STAT3: variants seen among roughly 807,000 people sequenced by gnomAD.
STAT3 encodes the protein DNA-binding protein APRF.
A neutral mutation model predicts 114.3 loss-of-function variants in STAT3; 7 were observed. The observed-to-expected ratio is 0.06, with a 90% CI of 0.03 to 0.11. The LOEUF (loss-of-function observed/expected upper bound fraction) is 0.11. Among genes scored for constraint, STAT3 ranks in the 10% least tolerant of loss-of-function variants. The pLI is 1.00. For synonymous variants in STAT3, 331 were observed against 354.5 expected, an observed-to-expected ratio of 0.93 and a Z score of 0.74; for missense variants, 364 against 960.9, an observed-to-expected ratio of 0.38 and a Z score of 8.21.
chr17:42,339,571 C>T (rs892051766), intron 4 of STAT3, among the ~76,000 whole-genome samples, 162 bp from the exon 5 acceptor site: 3 of 152,186 alleles, frequency 2.0e-5, no homozygotes, highest in Non-Finnish European at 4.4e-5. Flanking sequence ...TGTCACTACA[C>T]AGGTGACACT....
rs2293152 is a variant in STAT3 at position 42,329,511 on chromosome 17, G to C, written c.1233+43C>G. 0.61 allele frequency: 989,571 copies of C among 1,613,902 alleles called. 307,335 individuals carry two copies. The highest frequency in any genetic ancestry group is 0.85 in the African/African-American group (63,962 of 74,992). The stretch of plus-strand genomic sequence containing the variant: ...TGTGAGGCTCTCCCTAGCCCTCTCC[G>C]GCAGCCAGAGGCCCTTTGTGAAGGG... On this transcript the variant is annotated intron_variant, in intron 13 of 23. Transcript: ENST00000264657.
intron 1 of STAT3, among the ~76,000 whole-genome samples, chr17:42,367,039 G>T (rs1042390009): frequency 6.6e-6 from 1 of 152,130 alleles, no homozygotes; most frequent in Admixed American, 6.6e-5. Context: ...TACTCGGGAG[G>T]CTGAGGCAGG....
intron 21 of STAT3, among the ~76,000 whole-genome samples, chr17:42,319,288 T>C (rs1045813779): frequency 3.3e-5 from 5 of 151,780 alleles, no homozygotes; most frequent in Non-Finnish European, 7.4e-5. Context: ...ACACCTATAA[T>C]CCCAGCACTT....
At chr17:42,377,283 C>A (rs1415305476) in intron 1 of STAT3, among the ~76,000 whole-genome samples, 1 of 151,932 alleles carries the variant, frequency 6.6e-6, no homozygotes, top group African/African-American at 2.4e-5. Flanking sequence ...GCTCTGTGGC[C>A]CAGGCTGGAG....
chr17:42,322,185 C>G, intron 21 of STAT3, 97 bp downstream of exon 21: 1 of 1,134,054 alleles, frequency 8.8e-7, no homozygotes, highest in South Asian at 1.3e-5. Flanking sequence ...AATTATCCCC[C>G]AGGTTATTCA....
intron 8 of STAT3, among the ~76,000 whole-genome samples, chr17:42,335,464 T>C (rs1408613234): frequency 6.6e-6 from 1 of 152,160 alleles, no homozygotes; most frequent in Non-Finnish European, 1.5e-5. Context: ...AGCATTGGGA[T>C]TTACAGGCGT....
chr17:42,351,758 A>C (rs1024575724), intron 1 of STAT3, among the ~76,000 whole-genome samples: 4 of 151,872 alleles, frequency 2.6e-5, no homozygotes, highest in African/African-American at 9.7e-5. Flanking sequence ...TAAATATTCC[A>C]ACAATGTTAT....
intron 1 of STAT3, among the ~76,000 whole-genome samples, chr17:42,370,515 C>G (rs191653148): frequency 1.3e-5 from 2 of 151,442 alleles, no homozygotes; most frequent in East Asian, 3.9e-4. Context: ...CTGCCCGCCT[C>G]GGCCTCCCAA....
rs2085216344 is a variant in STAT3, at chr17:42,388,162, TC to T, written c.-24+116del. 6 of 1,159,118 alleles carry T rather than the reference TC, an allele frequency of 5.2e-6. No homozygotes were observed. In the South Asian group the frequency reaches 1.8e-4, roughly 34 times the overall value. 71.8% of individuals were successfully genotyped at this position (1,159,118 alleles called of 1,614,324 possible). On this transcript the variant is annotated intron_variant, in intron 1 of 23. Coordinates refer to ENST00000264657, the MANE Select transcript of STAT3 (RefSeq NM_139276.3). ...GCGACCCTCCGCGTCTCTTCATCTC[TC>T]CCGGCCCCACTGCAGCGTCCATCAC...
intron 1 of STAT3, among the ~76,000 whole-genome samples, chr17:42,351,808 G>C (rs980630567): frequency 6.6e-6 from 1 of 152,050 alleles, no homozygotes; most frequent in Non-Finnish European, 1.5e-5. Context: ...GCCTAGGCTG[G>C]AGTGCAGTGG....
At chr17:42,316,554 G>A in intron 23 of STAT3, 2 of 1,151,178 alleles carry the variant, frequency 1.7e-6, no homozygotes, top group South Asian at 1.3e-5. Flanking sequence ...AGAGTATGTT[G>A]GATTTAGTGG....
intron 3 of STAT3, 47 bp downstream of exon 3, chr17:42,346,522 C>G: frequency 1.2e-6 from 2 of 1,613,382 alleles, no homozygotes; most frequent in Non-Finnish European, 1.7e-6. Context: ...CACTAACACC[C>G]GACTCTGCGG....
Position 42,380,726 on chromosome 17 carries a change from G to A in STAT3, c.-24+7553C>T, listed in dbSNP as rs978289628. On this transcript the variant is annotated intron_variant, in intron 1 of 23. Coordinates refer to ENST00000264657, the MANE Select transcript of STAT3 (RefSeq NM_139276.3). ...TTTTAATAAGAGTAATTCAGCCTAG[G>A]CAACGTGACGAGATCCTGACTCAAA... Among the ~76,000 whole-genome samples, 24 of 152,222 alleles carry A rather than the reference G, an allele frequency of 1.6e-4. 1 individual carries two copies. The highest frequency in any genetic ancestry group is 1.2e-3 in the Admixed American group (19 of 15,284).
intron 3 of STAT3, 24 bp from the exon 4 acceptor site, chr17:42,345,681 TA>T (rs2082665207): frequency 6.4e-7 from 1 of 1,574,042 alleles, no homozygotes; most frequent in African/African-American, 1.4e-5. Context: ...AGAAAGAGAA[TA>T]AAAATCAGCA....
chr17:42,382,034 T>C (rs1412244617), intron 1 of STAT3, among the ~76,000 whole-genome samples: 2 of 152,228 alleles, frequency 1.3e-5, no homozygotes, highest in African/African-American at 2.4e-5. Flanking sequence ...CTTCTACTTA[T>C]AGCTCCCTGA....
intron 1 of STAT3, among the ~76,000 whole-genome samples, chr17:42,362,117 C>A (rs1234936661): frequency 1.3e-5 from 2 of 152,122 alleles, no homozygotes; most frequent in Non-Finnish European, 2.9e-5. Flanking sequence ...GGCAGGAGTG[C>A]CAACATTGAG....
At chr17:42,365,884 G>C (rs2083762750) in intron 1 of STAT3, among the ~76,000 whole-genome samples, 1 of 152,010 alleles carries the variant, frequency 6.6e-6, no homozygotes, top group Non-Finnish European at 1.5e-5. Context: ...TCAAACTCCT[G>C]ACCTTTTGAT....
Position 42,315,683 on chromosome 17 carries a change from G to C in STAT3, c.*62C>G. On this transcript the variant is annotated 3_prime_UTR_variant, in exon 24 of 24. Transcript: ENST00000264657. ...ATGATCTGGGGTTTGGCTGTGTGAGGGGTGGCAGAATGCAGGTAGGCGCCT... is the reference window on the plus strand; with the variant it reads ...ATGATCTGGGGTTTGGCTGTGTGAGCGGTGGCAGAATGCAGGTAGGCGCCT... 7.2e-6 allele frequency: 11 copies of C among 1,532,776 alleles called. No homozygotes were observed. The highest frequency in any genetic ancestry group is 9.9e-6 in the Non-Finnish European group (11 of 1,106,128). 94.9% of individuals were successfully genotyped at this position (1,532,776 alleles called of 1,614,324 possible).
chr17:42,326,896 G>C (rs982200997), intron 14 of STAT3, among the ~76,000 whole-genome samples: 1 of 152,124 alleles, frequency 6.6e-6, no homozygotes, highest in Non-Finnish European at 1.5e-5. Context: ...AACAGCCACA[G>C]CCAAGGAAAG....
Sources: allele counts gnomAD v4.1 joint callset (sites outside exome capture counted in the v4.1 genomes callset), GRCh38; gene constraint gnomAD v4.1.1; transcripts MANE v1.5; gene names NCBI Gene and HGNC (gene_info 2026-07-23, HGNC 2026-07-21).